The following CDC123 variants were observed in gnomAD, a reference collection of about 807,000 sequenced individuals.
CDC123 encodes the protein cell division cycle 123.
In CDC123, 37 loss-of-function variants were observed where a neutral mutation model predicts 54.4. The observed-to-expected ratio is 0.68, with a 90% CI of 0.52 to 0.89. The LOEUF is 0.89. Among genes scored for constraint, CDC123 ranks in the 40% least tolerant of loss-of-function variants. CDC123 has a pLI of 0.00. For synonymous variants in CDC123, 144 were observed against 136.8 expected (o/e 1.05, Z -0.37); for missense variants, 361 against 412.1 (o/e 0.88, Z 1.07).
rs947930563 is a variant in CDC123 at position 12,219,855 on chromosome 10, T to C, written c.440+2388T>C. Among the ~76,000 whole-genome samples the C allele has an allele frequency of 3.3e-5, 5 of 152,168 alleles. No homozygotes were observed. The East Asian group carries it at 9.7e-4, about 29-fold the overall frequency. On this transcript the variant is annotated intron_variant, in intron 6 of 12. Coordinates refer to ENST00000281141, the MANE Select transcript of CDC123 (RefSeq NM_006023.3). ...GCATGGCTACCACGCCCAGCTAATT[T>C]TTTTTTGTATTTTTAGTAAAGACGG...
intron 1 of CDC123, among the ~76,000 whole-genome samples, chr10:12,198,478 G>A (rs986819749): frequency 6.6e-6 from 1 of 152,132 alleles, no homozygotes; most frequent in African/African-American, 2.4e-5. Context: ...TGGTGGTTTG[G>A]ATTTGGCTGG....
At chr10:12,228,912 G>T (rs1375614900) in intron 6 of CDC123, among the ~76,000 whole-genome samples, 1 of 151,974 alleles carries the variant, frequency 6.6e-6, no homozygotes, top group African/African-American at 2.4e-5. Context: ...ACAGGGTTTT[G>T]CCATGTTGCT....
intron 2 of CDC123, among the ~76,000 whole-genome samples, chr10:12,206,753 T>A (rs562876447): frequency 6.6e-6 from 1 of 152,078 alleles, no homozygotes; most frequent in Non-Finnish European, 1.5e-5. Context: ...GGTCAGGAGA[T>A]CGAGACCATC....
chr10:12,228,141 C>T (rs1306446459), intron 6 of CDC123, among the ~76,000 whole-genome samples: 1 of 151,892 alleles, frequency 6.6e-6, no homozygotes, highest in Non-Finnish European at 1.5e-5. Context: ...AGCTTTGTTG[C>T]CCAGGCTGGT....
rs772969754 is a variant in CDC123, at chr10:12,249,565, T to G, written c.847-16T>G. ...TAAATGATTGATATTCTTTCTCCTT[T>G]TTCTTCTTTGTACAGGATTCCCCAG... On this transcript the variant is annotated splice_polypyrimidine_tract_variant and intron_variant, in intron 11 of 12. Transcript: ENST00000281141. 1 of 1,601,728 alleles carries G rather than the reference T, an allele frequency of 6.2e-7. No homozygotes were observed. Among genetic ancestry groups the G allele is most frequent in the Non-Finnish European group, 8.5e-7 (1 of 1,176,514 alleles).
intron 6 of CDC123, among the ~76,000 whole-genome samples, chr10:12,226,426 A>T (rs2131748666): frequency 6.6e-6 from 1 of 151,626 alleles, no homozygotes; most frequent in East Asian, 2.0e-4. Flanking sequence ...TGGAGGGGGC[A>T]GCTGCTGGGT....
intron 9 of CDC123, 82 bp from the exon 10 acceptor site, chr10:12,238,375 A>C: frequency 6.7e-7 from 1 of 1,486,226 alleles, no homozygotes; most frequent in South Asian, 1.2e-5. Context: ...GTCTTTGATT[A>C]AAATGTACTT....
chr10:12,230,279 G>A (rs568708507), intron 6 of CDC123, among the ~76,000 whole-genome samples: 59 of 151,528 alleles, frequency 3.9e-4, no homozygotes, highest in Non-Finnish European at 7.2e-4. Flanking sequence ...TGCATCCTCC[G>A]CCTCACGGTT....
At chr10:12,247,805 C>A (rs11257616) in intron 11 of CDC123, 14,600 of 152,142 alleles carry the variant, frequency 0.096, 1,355 homozygotes, top group African/African-American at 0.24. Flanking sequence ...TCGAGACCAT[C>A]CTGGCTAACA....
chr10:12,202,159 G>A (rs933846251), intron 2 of CDC123, among the ~76,000 whole-genome samples: 2 of 152,108 alleles, frequency 1.3e-5, no homozygotes, highest in African/African-American at 4.8e-5. Context: ...AAATGTATAG[G>A]TCTTAAGTGT....
intron 8 of CDC123, among the ~76,000 whole-genome samples, chr10:12,235,934 A>G (rs1835971903): frequency 6.6e-6 from 1 of 152,210 alleles, no homozygotes; most frequent in African/African-American, 2.4e-5. Flanking sequence ...GACTGGAGCA[A>G]ATTCAGGGAG....
intron 6 of CDC123, among the ~76,000 whole-genome samples, chr10:12,226,703 C>G (rs1211558368): frequency 1.3e-5 from 2 of 150,056 alleles, no homozygotes; most frequent in Non-Finnish European, 3.0e-5. Flanking sequence ...CGATGGGTGG[C>G]TGGGCAGAGA....
At chr10:12,231,750 C>T (rs932041814) in intron 7 of CDC123, among the ~76,000 whole-genome samples, 3 of 151,948 alleles carry the variant, frequency 2.0e-5, no homozygotes, top group African/African-American at 7.2e-5. Flanking sequence ...AAAGTATACA[C>T]ACAACACACA....
chr10:12,200,143 T>TTTTTTTTTA (rs1350723293), intron 2 of CDC123, among the ~76,000 whole-genome samples: 1 of 136,786 alleles, frequency 7.3e-6, no homozygotes, highest in African/African-American at 2.9e-5. Flanking sequence ...TTTTTTTTTT[T>TTTTTTTTTA]AAAGATGGAG....
chr10:12,241,041 C>T (rs1836050833), intron 10 of CDC123, among the ~76,000 whole-genome samples: 1 of 152,170 alleles, frequency 6.6e-6, no homozygotes, highest in Non-Finnish European at 1.5e-5. Context: ...CCCAGGAATG[C>T]ATCACAGTAC....
intron 2 of CDC123, 78 bp from the exon 3 acceptor site, chr10:12,209,889 A>G: frequency 7.3e-7 from 1 of 1,372,130 alleles, no homozygotes; most frequent in East Asian, 2.3e-5. Context: ...TTAAAAACAT[A>G]TACTCAGTAC....
intron 11 of CDC123, chr10:12,247,483 CCCCCT>C: frequency 2.5e-5 from 1 of 40,020 alleles, no homozygotes. Flanking sequence ...TCTCTCACCT[CCCCCT>C]CAGGACACTG....
chr10:12,202,758 T>C (rs940294031), intron 2 of CDC123, among the ~76,000 whole-genome samples: 7 of 152,256 alleles, frequency 4.6e-5, no homozygotes, highest in Non-Finnish European at 1.0e-4. Context: ...CTCACGCCTG[T>C]AATCCCAGCA....
chr10:12,244,811 C>G (rs899270315), intron 10 of CDC123: 6 of 151,948 alleles, frequency 3.9e-5, no homozygotes, highest in African/African-American at 1.5e-4. Context: ...GAGTTCGAGA[C>G]CAGCCTGGCC....
Sources: allele counts gnomAD v4.1 joint callset (sites outside exome capture counted in the v4.1 genomes callset), GRCh38; gene constraint gnomAD v4.1.1; transcripts MANE v1.5; gene names NCBI Gene and HGNC (gene_info 2026-07-23, HGNC 2026-07-21).